CCDC62: variants seen among roughly 807,000 people sequenced by gnomAD.
The protein encoded by CCDC62 is coiled-coil domain containing 62.
Under a neutral mutation model 80.8 loss-of-function variants are expected in CCDC62, and 72 were observed. The observed-to-expected ratio is 0.89, with a 90% CI of 0.74 to 1.08. The LOEUF is 1.08. Ranked by LOEUF, CCDC62 falls within the 50% of genes least tolerant of loss-of-function variation. The probability of loss-of-function intolerance (pLI) is 0.00; values close to 1 mark genes in which losing one functional copy is unlikely to be tolerated. For synonymous variants in CCDC62, 286 were observed against 296.5 expected, an observed-to-expected ratio of 0.96 and a Z score of 0.36; for missense variants, 704 against 809.4, an observed-to-expected ratio of 0.87 and a Z score of 1.58.
chr12:122,792,791 T>C (rs945917693), intron 6 of CCDC62, among the ~76,000 whole-genome samples: 2 of 152,334 alleles, frequency 1.3e-5, no homozygotes, highest in African/African-American at 4.8e-5. Context: ...GTGCTGGGAT[T>C]ACAGGCATGA....
At chr12:122,791,728 C>T (rs763970330) in intron 5 of CCDC62, among the ~76,000 whole-genome samples, 1 of 152,064 alleles carries the variant, frequency 6.6e-6, no homozygotes, top group Non-Finnish European at 1.5e-5. Flanking sequence ...GGATTATAGG[C>T]GTGAGCCACT....
At chr12:122,799,127 CTAA>C (rs1352743984) in intron 8 of CCDC62, among the ~76,000 whole-genome samples, 4 of 152,036 alleles carry the variant, frequency 2.6e-5, no homozygotes, top group Non-Finnish European at 5.9e-5. Flanking sequence ...TGTGTGTGAG[CTAA>C]TAATGATTGT....
Position 122,774,588 on chromosome 12 carries a change from C to A in CCDC62, c.-83C>A. ...GGCCCCGGGGCTCCGGGCTCGCCCC[C>A]GCCGCTCGGGGCAGGCGCGCCGATG... On this transcript the variant is annotated 5_prime_UTR_variant, in exon 1 of 13. Transcript: ENST00000253079. The A allele has an allele frequency of 9.1e-7, 1 of 1,103,024 alleles. No homozygotes were observed. Among genetic ancestry groups the A allele is most frequent in the Non-Finnish European group, 1.2e-6 (1 of 864,056 alleles). The allele number at this position is 1,103,024 out of a possible 1,614,324, so 68.3% of individuals were successfully genotyped here. A position where few individuals can be genotyped will look rare whatever the true frequency, so the allele number is the denominator to read the frequency against.
At chr12:122,820,061 CAAAAAAA>C (rs34620795) in intron 11 of CCDC62, among the ~76,000 whole-genome samples, 3 of 58,122 alleles carry the variant, frequency 5.2e-5, no homozygotes, top group African/African-American at 2.4e-4. Context: ...GATCCTGTCT[CAAAAAAA>C]AAAAAAAAAA....
rs1282356829 is a variant in CCDC62, at chr12:122,798,132, G to C, written c.909G>C (p.Val303=). The change falls in exon 8 of 13, where the codon GTG becomes GTC. Residue 303 remains valine, a synonymous_variant. Transcript: ENST00000253079. The stretch of plus-strand genomic sequence containing the variant: ...ATCTGCAGTTTCTTAATTTCAATGT[G>C]GAAAATTCTCAGGAATTAATACAGA... ...QSDLQFLNFN[V]ENSQELIQMY... 7 of 1,596,020 alleles carry C rather than the reference G, an allele frequency of 4.4e-6. No individual in the cohort carries two copies. The South Asian group carries it at 7.7e-5, about 18-fold the overall frequency.
intron 8 of CCDC62, among the ~76,000 whole-genome samples, chr12:122,800,081 C>T (rs2031200749): frequency 6.6e-6 from 1 of 152,034 alleles, no homozygotes; most frequent in African/African-American, 2.4e-5. Flanking sequence ...GCAACCTCCA[C>T]CTCCTGGGTT....
chr12:122,811,650 T>C (rs1005372604), intron 10 of CCDC62, among the ~76,000 whole-genome samples: 4 of 150,254 alleles, frequency 2.7e-5, no homozygotes, highest in African/African-American at 9.8e-5. Context: ...TGAAACCCCG[T>C]CTCTACGAAA....
intron 3 of CCDC62, among the ~76,000 whole-genome samples, chr12:122,782,521 C>T (rs550798505): frequency 3.9e-4 from 59 of 152,264 alleles, no homozygotes; most frequent in Non-Finnish European, 7.6e-4. Flanking sequence ...TGCAATGGCA[C>T]GATCTCGGCT....
At chr12:122,802,452 C>T (rs911102490) in intron 9 of CCDC62, among the ~76,000 whole-genome samples, 11 of 138,152 alleles carry the variant, frequency 8.0e-5, no homozygotes, top group Non-Finnish European at 1.7e-4. Flanking sequence ...CTAGCTTTGT[C>T]GCCCAGGCTG....
intron 11 of CCDC62, among the ~76,000 whole-genome samples, chr12:122,820,206 A>C (rs1335312626): frequency 6.6e-6 from 1 of 152,184 alleles, no homozygotes; most frequent in Admixed American, 6.6e-5. Context: ...GGGACTTCTC[A>C]GTTTATACCT....
chr12:122,801,292 G>A lies in CCDC62; in HGVS notation c.1146G>A (p.Gln382=), dbSNP rs752203776. The change falls in exon 9 of 13, where the codon CAG becomes CAA. Residue 382 remains glutamine (Q), a synonymous_variant. Transcript: ENST00000253079. ...SCDECKEKKQ[Q]IDTVFGEKSV... Reference sequence around the variant, plus strand: ...ATGAATGCAAAGAGAAGAAACAACAGATCGATACTGTGTTTGGGGAGAAAA... The same window carrying A: ...ATGAATGCAAAGAGAAGAAACAACAAATCGATACTGTGTTTGGGGAGAAAA... 2.5e-6 allele frequency: 4 copies of A among 1,614,124 alleles called. No homozygotes were observed. In the Admixed American group the frequency reaches 6.7e-5, roughly 27 times the overall value.
chr12:122,787,195 C>T (rs1437349546), intron 4 of CCDC62, among the ~76,000 whole-genome samples: 1 of 152,174 alleles, frequency 6.6e-6, no homozygotes, highest in East Asian at 1.9e-4. Context: ...TGCCTATAAT[C>T]CCAGCACTTT....
intron 4 of CCDC62, among the ~76,000 whole-genome samples, chr12:122,786,896 C>G (rs2030278535): frequency 6.6e-6 from 1 of 151,992 alleles, no homozygotes; most frequent in Non-Finnish European, 1.5e-5. Context: ...GGAGGCGGAG[C>G]TTGCAGTGAG....
chr12:122,809,575 C>T (rs1267309876), intron 10 of CCDC62, among the ~76,000 whole-genome samples: 1 of 152,224 alleles, frequency 6.6e-6, no homozygotes, highest in Non-Finnish European at 1.5e-5. Flanking sequence ...CACCTGAGGT[C>T]AGAAGTTCAA....
chr12:122,804,882 ATT>A (rs35218710), intron 9 of CCDC62, among the ~76,000 whole-genome samples: 1,154 of 104,508 alleles, frequency 0.011, 14 homozygotes, highest in East Asian at 0.031. Flanking sequence ...ACTTGGTTCC[ATT>A]TTTTTTTTTT....
intron 10 of CCDC62, among the ~76,000 whole-genome samples, chr12:122,812,809 A>G (rs1363570584): frequency 1.7e-4 from 26 of 150,068 alleles, no homozygotes; most frequent in African/African-American, 6.4e-4. Flanking sequence ...GAAAGAAAGA[A>G]AGAAAGAAAG....
In CCDC62 at chr12:122,823,379, C is replaced by T. The variant is rs769788184; in HGVS notation, c.2015C>T (p.Pro672Leu). 1.5e-5 allele frequency: 24 copies of T among 1,613,248 alleles called. No homozygotes were observed. The highest frequency in any genetic ancestry group is 2.0e-5 in the Non-Finnish European group (24 of 1,179,272). Residue 672 changes from proline to leucine, a missense_variant, in exon 12 of 13, where the codon CCA becomes CTA. Coordinates refer to ENST00000253079, the MANE Select transcript of CCDC62 (RefSeq NM_201435.5). ...TGSATNKSEV[P>L]EESAQKNTFV... is the part of the protein sequence containing the mutation. ...GTTGTTTTCTAGAAGTCAGAGGTCC[C>T]AGAAGAGTCAGCTCAAAAAAATACC...
At chr12:122,782,294 T>C (rs2029911210) in intron 3 of CCDC62, among the ~76,000 whole-genome samples, 1 of 152,232 alleles carries the variant, frequency 6.6e-6, no homozygotes, top group Non-Finnish European at 1.5e-5. Flanking sequence ...TGCACGGCAT[T>C]ATCCTGTCTT....
chr12:122,800,163 A>ATTTT (rs2031208496), intron 8 of CCDC62, among the ~76,000 whole-genome samples: 12 of 123,100 alleles, frequency 9.7e-5, no homozygotes, highest in African/African-American at 3.9e-4. Context: ...ATGCCCGGCT[A>ATTTT]CTTTTTTTTT....
Sources: allele counts gnomAD v4.1 joint callset (sites outside exome capture counted in the v4.1 genomes callset), GRCh38; gene constraint gnomAD v4.1.1; transcripts MANE v1.5; gene names NCBI Gene and HGNC (gene_info 2026-07-23, HGNC 2026-07-21).